The following TPRG1 variants were observed in gnomAD, a reference collection of about 807,000 sequenced individuals.
TPRG1 encodes tumor protein p63 regulated 1.
In TPRG1, 29 loss-of-function variants were observed where a neutral mutation model predicts 29.3. The ratio of observed to expected loss-of-function variants is 0.99; its 90% confidence interval spans 0.74 to 1.35. The LOEUF (loss-of-function observed/expected upper bound fraction) is 1.35. Ranked by LOEUF, TPRG1 falls within the 40% of genes most tolerant of loss-of-function variation. TPRG1 has a pLI of 0.00. For synonymous variants in TPRG1, 130 were observed against 116.8 expected (o/e 1.11, Z -0.73); for missense variants, 327 against 335.0 (o/e 0.98, Z 0.19).
At chr3:189,036,720 C>T (rs1714291890) in intron 4 of TPRG1, among the ~76,000 whole-genome samples, 1 of 151,100 alleles carries the variant, frequency 6.6e-6, no homozygotes, top group Non-Finnish European at 1.5e-5. Context: ...ACACTGGTAA[C>T]AAAAAGTTGA....
chr3:189,204,054 A>AC (rs1268566254), intron 1 of TPRG1, among the ~76,000 whole-genome samples: 2 of 140,806 alleles, frequency 1.4e-5, no homozygotes, highest in African/African-American at 5.2e-5. Context: ...AAAAAAAAAA[A>AC]AAAAAAAACT....
At chr3:189,119,757 T>C (rs1280147054) in intron 1 of TPRG1, among the ~76,000 whole-genome samples, 2 of 152,194 alleles carry the variant, frequency 1.3e-5, no homozygotes, top group African/African-American at 4.8e-5. Context: ...TGGTCGTAAG[T>C]TTCCTGAGGC....
Position 189,207,579 on chromosome 3 carries a change from G to T in TPRG1, c.195G>T (p.Lys65Asn), listed in dbSNP as rs138350040. The change falls in exon 2 of 6, where the codon AAG becomes AAT. Residue 65 changes from lysine (K) to asparagine (N), a missense_variant. By Grantham distance (94) the Lys-to-Asn change is moderately conservative. Coordinates refer to ENST00000345063, the MANE Select transcript of TPRG1 (RefSeq NM_198485.4). ...ATCATCAGCCTTATATCTCACGGAA[G>T]TACTTTGCTACACGGGTAAATTTAT... ...NPYHQPYISR[K>N]YFATRPGAIE... 140 of 1,613,884 alleles carry T rather than the reference G, an allele frequency of 8.7e-5. 2 individuals carry two copies. In the African/African-American group the frequency reaches 1.6e-3, roughly 18 times the overall value.
chr3:189,141,987 A>C (rs1459527001), intron 3 of TPRG1, among the ~76,000 whole-genome samples: 1 of 152,130 alleles, frequency 6.6e-6, no homozygotes, highest in Non-Finnish European at 1.5e-5. Context: ...GGAGACAAGC[A>C]CCTGTTCAAA....
At chr3:189,013,653 G>C (rs1354158035) in intron 3 of TPRG1, among the ~76,000 whole-genome samples, 2 of 152,044 alleles carry the variant, frequency 1.3e-5, no homozygotes, top group African/African-American at 4.8e-5. Flanking sequence ...TGTGGGATTT[G>C]AGGTCTCTTT....
chr3:189,187,606 C>T (rs58799774), intron 1 of TPRG1, among the ~76,000 whole-genome samples: 6 of 152,050 alleles, frequency 3.9e-5, no homozygotes, highest in South Asian at 2.1e-4. Flanking sequence ...CGTAAGCCAC[C>T]GTGCCCAGCC....
At chr3:189,091,337 C>T (rs987646947) in intron 4 of TPRG1, among the ~76,000 whole-genome samples, 6 of 152,108 alleles carry the variant, frequency 3.9e-5, no homozygotes, top group Admixed American at 1.3e-4. Flanking sequence ...TATATAATAT[C>T]ATGTACCCAT....
At position 189,120,510 on chromosome 3, in the gene TPRG1, T is replaced by C. The variant is rs757218419; in HGVS notation, c.-743-6547T>C. The C allele has an allele frequency of 3.4e-4, 52 of 152,184 alleles. 1 individual carries two copies. The highest frequency in any genetic ancestry group is 7.3e-5 in the Non-Finnish European group (5 of 68,042). 9.4% of individuals were successfully genotyped at this position (152,184 alleles called of 1,614,324 possible). A position where few individuals can be genotyped will look rare whatever the true frequency, so the allele number is the denominator to read the frequency against. ...AGGAAAAAATATGTGAATCTTTGGG[T>C]CAGTGGTTCATTGAAGAATACTGAC... On this transcript the variant is annotated intron_variant, in intron 1 of 6. Transcript: ENST00000412373.
chr3:189,109,117 G>C (rs1180120770), intron 1 of TPRG1, among the ~76,000 whole-genome samples: 2 of 152,080 alleles, frequency 1.3e-5, no homozygotes, highest in Non-Finnish European at 1.5e-5. Flanking sequence ...GGAGAGAGCA[G>C]AGTATTCCTC....
In TPRG1 at chr3:189,254,057, G is replaced by A. The variant is rs987597235; in HGVS notation, c.479+15148G>A. The stretch of plus-strand genomic sequence containing the variant: ...CCATTTGTCAATTTTGGCTTTTGTT[G>A]CCATTGCTTTTGGTGTTTTAGTCAT... On this transcript the variant is annotated intron_variant, in intron 4 of 5. Coordinates refer to ENST00000345063, the MANE Select transcript of TPRG1 (RefSeq NM_198485.4). 2.6e-5 allele frequency among the ~76,000 whole-genome samples: 4 copies of A among 152,218 alleles called. No individual in the cohort carries two copies. In the East Asian group the frequency reaches 5.8e-4, roughly 22 times the overall value.
At chr3:189,297,180 T>G (rs1204284404) in intron 4 of TPRG1, among the ~76,000 whole-genome samples, 1 of 151,962 alleles carries the variant, frequency 6.6e-6, no homozygotes, top group Non-Finnish European at 1.5e-5. Flanking sequence ...AGGGTTTCAC[T>G]ATGTTGGCCA....
intron 5 of TPRG1, among the ~76,000 whole-genome samples, chr3:189,313,979 C>T (rs1723094714): frequency 6.6e-6 from 1 of 152,072 alleles, no homozygotes; most frequent in African/African-American, 2.4e-5. Flanking sequence ...AGAGCCTAAA[C>T]TAAGTTCGGA....
chr3:189,111,575 G>A (rs1355099310), intron 1 of TPRG1, among the ~76,000 whole-genome samples: 1 of 151,872 alleles, frequency 6.6e-6, no homozygotes, highest in Non-Finnish European at 1.5e-5. Flanking sequence ...TGTTAGCCAG[G>A]GACCATCTGC....
chr3:189,266,086 C>G (rs1361097842), intron 4 of TPRG1, among the ~76,000 whole-genome samples: 1 of 152,092 alleles, frequency 6.6e-6, no homozygotes, highest in Non-Finnish European at 1.5e-5. Flanking sequence ...TGGTTCCAAT[C>G]CCAGACTTGT....
chr3:189,229,443 G>C (rs553729733), intron 3 of TPRG1, among the ~76,000 whole-genome samples: 2 of 152,306 alleles, frequency 1.3e-5, no homozygotes, highest in South Asian at 4.1e-4. Flanking sequence ...GTGACCCAAA[G>C]GGAGAGCTTA....
At chr3:189,264,218 C>A (rs1713640226) in intron 4 of TPRG1, among the ~76,000 whole-genome samples, 1 of 152,138 alleles carries the variant, frequency 6.6e-6, no homozygotes, top group African/African-American at 2.4e-5. Flanking sequence ...TCTTCCCTTT[C>A]TTGGGTCAAT....
chr3:189,037,865 A>G (rs1714375019), intron 4 of TPRG1, among the ~76,000 whole-genome samples: 1 of 151,484 alleles, frequency 6.6e-6, no homozygotes, highest in Non-Finnish European at 1.5e-5. Flanking sequence ...ATATTAACCT[A>G]TTAAGAAGTC....
chr3:189,040,653 A>G (rs1186807855), intron 4 of TPRG1, among the ~76,000 whole-genome samples: 1 of 152,158 alleles, frequency 6.6e-6, no homozygotes, highest in Non-Finnish European at 1.5e-5. Context: ...ATCTTCTGCA[A>G]TGGAAAAAAC....
At chr3:189,205,678 T>G (rs1257995720) in intron 1 of TPRG1, among the ~76,000 whole-genome samples, 1 of 152,226 alleles carries the variant, frequency 6.6e-6, no homozygotes, top group Non-Finnish European at 1.5e-5. Flanking sequence ...AAAATGGACA[T>G]GAAACTTTCT....
Sources: gnomAD v4.1 joint callset for allele counts (sites outside exome capture counted in the v4.1 genomes callset) on GRCh38, gnomAD v4.1.1 for gene constraint, MANE v1.5 for transcripts, NCBI Gene and HGNC (gene_info 2026-07-23, HGNC 2026-07-21) for gene names.